CLDN10: variants seen among roughly 807,000 people sequenced by gnomAD.
The protein encoded by CLDN10 is claudin-10.
Under a neutral mutation model 22.9 loss-of-function variants are expected in CLDN10, and 15 were observed. That is an observed-to-expected ratio of 0.65 (90% CI 0.44 to 1.01). The LOEUF is 1.01. CLDN10 is among the 50% of genes least tolerant of loss of function. The pLI is 0.00. For synonymous variants in CLDN10, 114 were observed against 111.4 expected (o/e 1.02, Z -0.15); for missense variants, 247 against 287.8 (o/e 0.86, Z 1.03).
At chr13:95,574,435 T>C (rs1022289838) in intron 3 of CLDN10, among the ~76,000 whole-genome samples, 1 of 152,232 alleles carries the variant, frequency 6.6e-6, no homozygotes, top group African/African-American at 2.4e-5. Flanking sequence ...ATGGAAATGA[T>C]TTTTTCCTTG....
At chr13:95,462,264 T>G (rs541911571) in intron 1 of CLDN10, among the ~76,000 whole-genome samples, 1 of 152,236 alleles carries the variant, frequency 6.6e-6, no homozygotes, top group Non-Finnish European at 1.5e-5. Context: ...TGTATTTGTA[T>G]GAATTATGAT....
Position 95,433,911 on chromosome 13 carries a change from TGAGTGGAAAGTGACCACGC to T in CLDN10, c.82_100del (p.Trp28ProfsTer4). 6.2e-7 allele frequency: 1 copy of T among 1,614,164 alleles called. No individual in the cohort carries two copies. Among genetic ancestry groups the T allele is most frequent in the Non-Finnish European group, 8.5e-7 (1 of 1,180,010 alleles). On this transcript the variant is annotated frameshift_variant, in exon 1 of 5. Coordinates refer to the CLDN10 transcript ENST00000376873. LOFTEE classifies it high-confidence loss of function. ...CTCTCGTTGCTGCTACCACGTCCAA[TGAGTGGAAAGTGACCACGC>T]GAGCCTCCTCGGTGATAACAGCCAC...
intron 1 of CLDN10, among the ~76,000 whole-genome samples, chr13:95,477,228 A>C (rs1016985174): frequency 1.3e-5 from 2 of 152,202 alleles, no homozygotes; most frequent in Non-Finnish European, 2.9e-5. Context: ...GAACGTGGCC[A>C]GAGCCCTTAT....
chr13:95,561,744 A>T (rs911289297), intron 3 of CLDN10, among the ~76,000 whole-genome samples: 15 of 149,950 alleles, frequency 1.0e-4, no homozygotes, highest in Non-Finnish European at 1.9e-4. Flanking sequence ...TGTACTGTTC[A>T]TCAAGAGGTT....
intron 1 of CLDN10, among the ~76,000 whole-genome samples, chr13:95,504,643 G>T (rs1016694776): frequency 6.6e-6 from 1 of 152,050 alleles, no homozygotes; most frequent in African/African-American, 2.4e-5. Context: ...GCCTCCCAAA[G>T]TGCTGGGATT....
chr13:95,501,381 G>A (rs1014267445), intron 1 of CLDN10, among the ~76,000 whole-genome samples: 3 of 152,092 alleles, frequency 2.0e-5, no homozygotes, highest in Non-Finnish European at 2.9e-5. Context: ...TGGTGCGGTC[G>A]TAGCTCACTG....
intron 1 of CLDN10, among the ~76,000 whole-genome samples, chr13:95,532,242 A>G (rs1446874965): frequency 6.6e-6 from 1 of 152,182 alleles, no homozygotes; most frequent in East Asian, 1.9e-4. Context: ...ACACTGAGAG[A>G]ACATATTCAC....
At chr13:95,481,078 G>C (rs1594549892) in intron 1 of CLDN10, among the ~76,000 whole-genome samples, 2 of 152,142 alleles carry the variant, frequency 1.3e-5, no homozygotes, top group East Asian at 3.9e-4. Context: ...CCCTGTAACA[G>C]CTGCATCTTG....
chr13:95,571,522 G>C (rs2043860499), intron 3 of CLDN10, among the ~76,000 whole-genome samples: 3 of 152,192 alleles, frequency 2.0e-5, no homozygotes. Context: ...GAACCCAGCA[G>C]AGGGGGAGGC....
intron 1 of CLDN10, among the ~76,000 whole-genome samples, chr13:95,467,967 A>C (rs2042596013): frequency 6.6e-6 from 1 of 152,214 alleles, no homozygotes; most frequent in East Asian, 1.9e-4. Context: ...TGTTCTATTC[A>C]GGCCTTCAAC....
At chr13:95,512,834 TG>T (rs1252104609) in intron 1 of CLDN10, among the ~76,000 whole-genome samples, 3 of 152,234 alleles carry the variant, frequency 2.0e-5, no homozygotes, top group Admixed American at 6.5e-5. Flanking sequence ...TTTTGACTTT[TG>T]TTTTCACCAA....
At chr13:95,434,240 G>C (rs1011944463) in intron 1 of CLDN10, among the ~76,000 whole-genome samples, 6 of 152,118 alleles carry the variant, frequency 3.9e-5, no homozygotes, top group Admixed American at 6.6e-5. Flanking sequence ...TTTGACAAAG[G>C]AGATGTAAGA....
At chr13:95,517,718 C>T (rs1354083549) in intron 1 of CLDN10, among the ~76,000 whole-genome samples, 1 of 151,910 alleles carries the variant, frequency 6.6e-6, no homozygotes, top group Non-Finnish European at 1.5e-5. Flanking sequence ...GGTGGATCAC[C>T]TGAGGTCAGG....
In CLDN10 at chr13:95,560,305, C is replaced by T; in HGVS notation, c.382+12C>T. 3 of 1,613,876 alleles carry T rather than the reference C, an allele frequency of 1.9e-6. No individual in the cohort carries two copies. Among genetic ancestry groups the T allele is most frequent in the Non-Finnish European group, 2.5e-6 (3 of 1,179,778 alleles). On this transcript the variant is annotated intron_variant, in intron 2 of 4. Transcript: ENST00000299339. ...ATTCATACTGTCAGGTAAATAGTAA[C>T]TTTCTTCCAAACAAGGTACTTGATG...
chr13:95,533,711 A>G (rs2043370764), intron 1 of CLDN10: 1 of 152,050 alleles, frequency 6.6e-6, no homozygotes, highest in South Asian at 2.1e-4. Flanking sequence ...CAGGGGCCAC[A>G]CTCTCACTTG....
rs137973046 is a variant in CLDN10, at chr13:95,465,270, C to T, written c.214+31223C>T. ...AAAACCGCCCCCATGATTCAATTAT[C>T]TCCCACTGGGTCCCTCCCACAACAC... On this transcript the variant is annotated intron_variant, in intron 1 of 4. Transcript: ENST00000376873. Among the ~76,000 whole-genome samples, 69 of 152,274 alleles carry T rather than the reference C, an allele frequency of 4.5e-4. 1 individual carries two copies. Among genetic ancestry groups the T allele is most frequent in the African/African-American group, 1.7e-3 (69 of 41,560 alleles).
At chr13:95,519,682 A>C (rs1273710446) in intron 1 of CLDN10, among the ~76,000 whole-genome samples, 1 of 151,318 alleles carries the variant, frequency 6.6e-6, no homozygotes, top group Non-Finnish European at 1.5e-5. Context: ...AACTCTTAAC[A>C]GTGCACCAAG....
intron 1 of CLDN10, among the ~76,000 whole-genome samples, chr13:95,495,478 C>T (rs539663073): frequency 6.6e-6 from 1 of 151,818 alleles, no homozygotes; most frequent in African/African-American, 2.4e-5. Flanking sequence ...GGCGCGGTGG[C>T]TCAAGCCTGT....
intron 1 of CLDN10, among the ~76,000 whole-genome samples, chr13:95,434,825 C>T (rs1008741337): frequency 2.0e-5 from 3 of 151,934 alleles, no homozygotes; most frequent in Admixed American, 2.0e-4. Flanking sequence ...ATCCTAGATT[C>T]CTGATAACGA....
Sources: allele counts gnomAD v4.1 joint callset (sites outside exome capture counted in the v4.1 genomes callset), GRCh38; gene constraint gnomAD v4.1.1; transcripts MANE v1.5; gene names NCBI Gene and HGNC (gene_info 2026-07-23, HGNC 2026-07-21).